Variants in NOS1AP observed in about 807,000 individuals in gnomAD.
NOS1AP encodes the protein nitric oxide synthase 1 adaptor protein.
In NOS1AP, 21 loss-of-function variants were observed where a neutral mutation model predicts 56.2. That is an observed-to-expected ratio of 0.37 (90% CI 0.26 to 0.54). NOS1AP has a LOEUF of 0.54. Ranked by LOEUF, NOS1AP falls within the 20% of genes least tolerant of loss-of-function variation. NOS1AP has a pLI of 0.84. For missense variants in NOS1AP, 522 were observed against 657.8 expected (o/e 0.79, Z 2.26); for synonymous variants, 270 against 274.6 (o/e 0.98, Z 0.17).
chr1:162,106,163 G>A (rs1398039588), intron 1 of NOS1AP, among the ~76,000 whole-genome samples: 1 of 152,172 alleles, frequency 6.6e-6, no homozygotes, highest in African/African-American at 2.4e-5. Context: ...AAGATCCATG[G>A]GAGAAGCATG....
intron 1 of NOS1AP, among the ~76,000 whole-genome samples, chr1:162,140,016 A>G (rs1445194540): frequency 6.6e-6 from 1 of 152,134 alleles, no homozygotes; most frequent in Non-Finnish European, 1.5e-5. Flanking sequence ...TTCAGTAGAG[A>G]CAAGGTTTTG....
intron 2 of NOS1AP, among the ~76,000 whole-genome samples, chr1:162,267,669 A>G (rs1015578006): frequency 1.3e-5 from 2 of 152,032 alleles, no homozygotes; most frequent in Non-Finnish European, 2.9e-5. Context: ...AGGCTGAGGC[A>G]GGAGGATCAC....
chr1:162,356,904 G>A, intron 7 of NOS1AP, 56 bp from the exon 8 acceptor site: 3 of 1,612,398 alleles, frequency 1.9e-6, no homozygotes, highest in East Asian at 4.5e-5. Context: ...AGAGAGGGAG[G>A]CCCCTCAAGA....
intron 5 of NOS1AP, among the ~76,000 whole-genome samples, chr1:162,340,245 A>G (rs1243241063): frequency 3.3e-5 from 5 of 152,220 alleles, no homozygotes; most frequent in Non-Finnish European, 7.3e-5. Context: ...TATTAATTTA[A>G]TTATTAAACT....
intron 2 of NOS1AP, among the ~76,000 whole-genome samples, chr1:162,239,078 T>C (rs1653397328): frequency 6.6e-6 from 1 of 152,230 alleles, no homozygotes; most frequent in African/African-American, 2.4e-5. Context: ...ATGTTTAAGG[T>C]ATGCACATAC....
intron 2 of NOS1AP, among the ~76,000 whole-genome samples, chr1:162,175,489 C>T (rs1022582697): frequency 6.6e-6 from 1 of 152,092 alleles, no homozygotes; most frequent in African/African-American, 2.4e-5. Flanking sequence ...GTTTTGAGCA[C>T]GTTTTAACTT....
At chr1:162,151,855 G>A (rs1649723287) in intron 1 of NOS1AP, among the ~76,000 whole-genome samples, 3 of 151,988 alleles carry the variant, frequency 2.0e-5, no homozygotes, top group Admixed American at 2.0e-4. Context: ...TGTGGCATGT[G>A]GGGTGTGCAT....
intron 8 of NOS1AP, chr1:162,362,921 G>A: frequency 1.0e-6 from 1 of 973,140 alleles, no homozygotes; most frequent in Non-Finnish European, 1.2e-6. Flanking sequence ...TTCTTTCCCT[G>A]TTGAGTGGAT....
intron 1 of NOS1AP, among the ~76,000 whole-genome samples, chr1:162,098,274 T>G (rs2102028676): frequency 1.2e-4 from 1 of 8,194 alleles, no homozygotes; most frequent in East Asian, 0.1. Context: ...GCCCGGCTAT[T>G]GTTTGTATCT....
intron 1 of NOS1AP, among the ~76,000 whole-genome samples, chr1:162,077,894 T>C (rs188010450): frequency 6.6e-6 from 1 of 152,292 alleles, no homozygotes; most frequent in East Asian, 1.9e-4. Context: ...CTTCATTCAG[T>C]CCCTGGCCAC....
chr1:162,332,951 C>T, intron 4 of NOS1AP, 66 bp from the exon 5 acceptor site: 1 of 1,120,996 alleles, frequency 8.9e-7, no homozygotes, highest in Middle Eastern at 2.0e-4. Context: ...TTAAACAGAG[C>T]TTTCCTGGTT....
chr1:162,132,880 G>C (rs1220431169), intron 1 of NOS1AP, among the ~76,000 whole-genome samples: 1 of 152,190 alleles, frequency 6.6e-6, no homozygotes, highest in Non-Finnish European at 1.5e-5. Flanking sequence ...TCTTCTTGCT[G>C]AGATTCTCCA....
intron 4 of NOS1AP, among the ~76,000 whole-genome samples, chr1:162,328,280 G>T (rs1384187234): frequency 6.6e-6 from 1 of 152,170 alleles, no homozygotes; most frequent in Non-Finnish European, 1.5e-5. Flanking sequence ...CCTAGGTGAT[G>T]GGTTGATAGG....
In NOS1AP at chr1:162,287,856, C is replaced by T. The variant is rs1002076228; in HGVS notation, c.270+420C>T. Among the ~76,000 whole-genome samples, 6 of 152,330 alleles carry T rather than the reference C, an allele frequency of 3.9e-5. No individual in the cohort carries two copies. The South Asian group carries it at 1.2e-3, about 32-fold the overall frequency. Reference sequence around the variant, plus strand: ...CGATTGCAGGACCATCCTTCAGTCCCACCCCAGGTGCCATGCAGCCCCCTC... The same window carrying T: ...CGATTGCAGGACCATCCTTCAGTCCTACCCCAGGTGCCATGCAGCCCCCTC... On this transcript the variant is annotated intron_variant, in intron 3 of 9. Transcript: ENST00000361897.
chr1:162,290,345 GACAGATGAATGC>G (rs149254815), intron 3 of NOS1AP, among the ~76,000 whole-genome samples: 10,012 of 152,260 alleles, frequency 0.066, 375 homozygotes, highest in Middle Eastern at 0.078. Flanking sequence ...CACAATCTCT[GACAGATGAATGC>G]ACATTAACAG....
chr1:162,356,144 G>A (rs1455940243), intron 7 of NOS1AP, among the ~76,000 whole-genome samples: 3 of 152,186 alleles, frequency 2.0e-5, no homozygotes, highest in Non-Finnish European at 2.9e-5. Flanking sequence ...TTTGGAACCA[G>A]TTTATCCTCT....
intron 1 of NOS1AP, among the ~76,000 whole-genome samples, chr1:162,088,635 AG>A (rs1208841678): frequency 6.6e-6 from 1 of 152,136 alleles, no homozygotes; most frequent in Non-Finnish European, 1.5e-5. Context: ...GGTGGTGAGG[AG>A]GGGGACAGAT....
intron 2 of NOS1AP, among the ~76,000 whole-genome samples, chr1:162,209,009 T>G (rs1652256113): frequency 1.3e-5 from 2 of 152,358 alleles, no homozygotes; most frequent in Non-Finnish European, 2.9e-5. Context: ...AGTCCCTTAC[T>G]TTCAGAATGC....
chr1:162,127,140 C>T (rs1001438894), intron 1 of NOS1AP, among the ~76,000 whole-genome samples: 1 of 151,966 alleles, frequency 6.6e-6, no homozygotes, highest in African/African-American at 2.4e-5. Context: ...TTGGTCTTCT[C>T]AAAATTTAGG....
Sources: gnomAD v4.1 joint callset for allele counts (sites outside exome capture counted in the v4.1 genomes callset) on GRCh38, gnomAD v4.1.1 for gene constraint, MANE v1.5 for transcripts, NCBI Gene and HGNC (gene_info 2026-07-23, HGNC 2026-07-21) for gene names.